HIVEP1: variants seen among roughly 807,000 people sequenced by gnomAD.
HIVEP1 encodes the protein zinc finger protein 40.
HIVEP1 carries 36 observed loss-of-function variants against 180.0 expected under a neutral mutation model. The observed-to-expected ratio is 0.20, with a 90% confidence interval of 0.15 to 0.26. HIVEP1 has a LOEUF of 0.26. HIVEP1 is among the 10% of genes least tolerant of loss of function. The pLI is 1.00. For missense variants in HIVEP1, 3,143 were observed against 3,268.7 expected (o/e 0.96, Z 0.94); for synonymous variants, 1,239 against 1,239.0 (o/e 1.00, Z 0.00).
At chr6:12,183,772 G>A in the HIVEP1 span, among the ~76,000 whole-genome samples, 12 of 152,112 alleles carry the variant, frequency 7.9e-5, no homozygotes, top group East Asian at 3.9e-4. Context: ...TAACTATATC[G>A]TAATAATTTT....
At chr6:12,097,052 G>A (rs978956339) in intron 3 of HIVEP1, among the ~76,000 whole-genome samples, 1 of 152,076 alleles carries the variant, frequency 6.6e-6, no homozygotes, top group Admixed American at 6.5e-5. Context: ...TGAGATGTCT[G>A]AATGGAATTC....
At chr6:12,178,574 A>G in the HIVEP1 span, among the ~76,000 whole-genome samples, 303 of 152,352 alleles carry the variant, frequency 2.0e-3, 1 homozygote, top group African/African-American at 6.9e-3. Flanking sequence ...CCAGGTAGGC[A>G]AATATTAAGA....
At chr6:12,189,048 TA>T in the HIVEP1 span, among the ~76,000 whole-genome samples, 4 of 151,998 alleles carry the variant, frequency 2.6e-5, no homozygotes, top group East Asian at 1.9e-4. Context: ...ACTTTGTGTA[TA>T]ATAATATTTG....
At chr6:12,017,747 G>A (rs1309667214) in intron 2 of HIVEP1, among the ~76,000 whole-genome samples, 2 of 152,226 alleles carry the variant, frequency 1.3e-5, no homozygotes, top group Non-Finnish European at 2.9e-5. Context: ...ACAGAGTGCT[G>A]ATTGGTGTAT....
chr6:12,056,468 G>A (rs774312529), intron 2 of HIVEP1, among the ~76,000 whole-genome samples: 1 of 152,166 alleles, frequency 6.6e-6, no homozygotes, highest in Non-Finnish European at 1.5e-5. Context: ...ACATTTGAAA[G>A]TGTATTAAAG....
intron 7 of HIVEP1, among the ~76,000 whole-genome samples, chr6:12,156,330 T>C (rs1197574593): frequency 5.3e-5 from 8 of 152,220 alleles, no homozygotes; most frequent in Admixed American, 5.2e-4. Flanking sequence ...CTGAATGATA[T>C]TGCCTAGATT....
chr6:12,110,080 G>A (rs946294865), intron 3 of HIVEP1, among the ~76,000 whole-genome samples: 1 of 152,302 alleles, frequency 6.6e-6, no homozygotes, highest in African/African-American at 2.4e-5. Flanking sequence ...TTTCTGAGTA[G>A]TCACTCTCAA....
downstream of HIVEP1, among the ~76,000 whole-genome samples, chr6:12,167,648 T>TATGTTATATATACATATATAC (rs1562023652): frequency 1.1e-5 from 1 of 88,484 alleles, no homozygotes; most frequent in Non-Finnish European, 2.1e-5. Flanking sequence ...TACATATACA[T>TATGTTATATATACATATATAC]ATATATGTTA....
intron 2 of HIVEP1, among the ~76,000 whole-genome samples, chr6:12,065,973 C>G (rs1418793674): frequency 6.6e-6 from 1 of 151,948 alleles, no homozygotes; most frequent in African/African-American, 2.4e-5. Flanking sequence ...TGCGAGGGTG[C>G]GGCTGTGAGT....
At chr6:12,186,228 T>C in the HIVEP1 span, among the ~76,000 whole-genome samples, 1 of 151,398 alleles carries the variant, frequency 6.6e-6, no homozygotes, top group Admixed American at 6.6e-5. Context: ...GAATGATTAC[T>C]GGCATATGTA....
At chr6:12,104,364 CTCTCTCTCTCTCTT>C (rs1178597796) in intron 3 of HIVEP1, among the ~76,000 whole-genome samples, 43 of 146,378 alleles carry the variant, frequency 2.9e-4, no homozygotes, top group African/African-American at 9.6e-4. Context: ...CTGACTTATT[CTCTCTCTCTCTCTT>C]TCTCTCTCTC....
In HIVEP1 at chr6:12,121,828, G is replaced by A. The variant is rs192064941; in HGVS notation, c.2033G>A (p.Arg678His). ...LGSTDSGYFS[R>H]SESADQTVSP... ...AGTACGGATTCTGGTTACTTTTCACGTTCTGAAAGTGCCGATCAAACAGTG... is the reference window on the plus strand; with the variant it reads ...AGTACGGATTCTGGTTACTTTTCACATTCTGAAAGTGCCGATCAAACAGTG... Residue 678 changes from arginine to histidine, a missense_variant, in exon 4 of 9, where the codon CGT (arginine) becomes CAT (histidine). By Grantham distance (29) the Arg-to-His change is conservative. Transcript: ENST00000379388. This position sits in a 1 kb window ranked among gnomAD's most constrained non-coding sequence, Gnocchi z 5.3. The A allele has an allele frequency of 1.4e-5, 22 of 1,614,138 alleles. No homozygotes were observed. The highest frequency in any genetic ancestry group is 1.7e-5 in the Non-Finnish European group (20 of 1,180,038).
intron 3 of HIVEP1, among the ~76,000 whole-genome samples, chr6:12,094,509 G>C (rs1773674979): frequency 1.3e-5 from 2 of 151,624 alleles, no homozygotes; most frequent in South Asian, 4.2e-4. Flanking sequence ...TTTTTTATTT[G>C]TTGAAATTAT....
In HIVEP1 at chr6:12,161,814, C is replaced by T. The variant is rs952547883; in HGVS notation, c.6863C>T (p.Thr2288Ile). The change falls in exon 8 of 9, where the codon ACA becomes ATA. Residue 2288 changes from threonine (T) to isoleucine (I), a missense_variant. Physicochemically the swap from Thr to Ile is moderately conservative, Grantham distance 89. Around this residue, in one of 12 missense-constraint regions of HIVEP1, gnomAD observed 595 missense variants for 602.2 expected, o/e 0.99. Transcript: ENST00000379388. Reference sequence around the variant, plus strand: ...CGTGCTGCGAGAGATGAAAACGACACAATTCCGTCTGTAGACACTTCCAGG... The same window carrying T: ...CGTGCTGCGAGAGATGAAAACGACATAATTCCGTCTGTAGACACTTCCAGG... ...RQRAARDEND[T>I]IPSVDTSRSP... The T allele has an allele frequency of 6.2e-7, 1 of 1,614,176 alleles. No homozygotes were observed. The highest frequency in any genetic ancestry group is 8.5e-7 in the Non-Finnish European group (1 of 1,180,028).
In HIVEP1 at chr6:12,071,515, A is replaced by C. The variant is rs114026210; in HGVS notation, c.41-17669A>C. On this transcript the variant is annotated intron_variant, in intron 2 of 8. Transcript: ENST00000379388. Reference sequence around the variant, plus strand: ...TTCCTCAAAGAAGTGTTTCCTGTCAACCCTCACAGTTTGCCAGTATTCAAC... The same window carrying C: ...TTCCTCAAAGAAGTGTTTCCTGTCACCCCTCACAGTTTGCCAGTATTCAAC... Among the ~76,000 whole-genome samples the C allele has an allele frequency of 6.6e-3, 1,010 of 152,258 alleles. 3 individuals are homozygous for C. Among genetic ancestry groups the C allele is most frequent in the African/African-American group, 0.023 (946 of 41,542 alleles).
chr6:12,109,667 G>A (rs941928380), intron 3 of HIVEP1, among the ~76,000 whole-genome samples: 3 of 152,258 alleles, frequency 2.0e-5, no homozygotes, highest in Non-Finnish European at 2.9e-5. Context: ...CCACATCTGC[G>A]GGGACTTCCT....
intron 3 of HIVEP1, among the ~76,000 whole-genome samples, chr6:12,095,228 C>A (rs990859226): frequency 6.6e-6 from 1 of 151,744 alleles, no homozygotes; most frequent in Non-Finnish European, 1.5e-5. Context: ...TACTTTCTTG[C>A]CTCATCCTTT....
At chr6:12,071,014 C>T (rs141901954) in intron 2 of HIVEP1, among the ~76,000 whole-genome samples, 36 of 152,314 alleles carry the variant, frequency 2.4e-4, no homozygotes, top group African/African-American at 8.4e-4. Context: ...CTCTGAATTA[C>T]AAATCAGAAT....
At chr6:12,017,812 G>A (rs575238670) in intron 2 of HIVEP1, among the ~76,000 whole-genome samples, 1 of 152,352 alleles carries the variant, frequency 6.6e-6, no homozygotes, top group Admixed American at 6.5e-5. Context: ...CAATCCCTTA[G>A]CTAGACATAA....
Sources: gnomAD v4.1 joint callset for allele counts (sites outside exome capture counted in the v4.1 genomes callset) on GRCh38, gnomAD v4.1.1 for gene constraint, gnomAD v4.1.1 regional missense constraint, Gnocchi (gnomAD v3.1) non-coding constraint, MANE v1.5 for transcripts, NCBI Gene and HGNC (gene_info 2026-07-23, HGNC 2026-07-21) for gene names.